Variants in PLCD3 observed in about 807,000 individuals in gnomAD.
PLCD3 encodes the protein phospholipase C delta 3, also known as 1-phosphatidylinositol 4,5-bisphosphate phosphodiesterase delta-3.
A neutral mutation model predicts 82.8 loss-of-function variants in PLCD3; 62 were observed. The observed-to-expected ratio is 0.75, with a 90% CI of 0.61 to 0.93. PLCD3 has a LOEUF of 0.93. Among genes scored for constraint, PLCD3 ranks in the 40% least tolerant of loss-of-function variants. PLCD3 has a pLI of 0.00. For missense variants in PLCD3, 1,023 were observed against 1,103.4 expected, an observed-to-expected ratio of 0.93 and a Z score of 1.03; for synonymous variants, 478 against 471.8, an observed-to-expected ratio of 1.01 and a Z score of -0.17.
At chr17:45,120,491 C>A (rs762359510) in intron 3 of PLCD3, 37 bp from the exon 4 acceptor site, 2 of 1,612,770 alleles carry the variant, frequency 1.2e-6, no homozygotes, top group Non-Finnish European at 1.7e-6. Context: ...ACACGCCAGG[C>A]TGCCCCCAGC....
intron 8 of PLCD3, among the ~76,000 whole-genome samples, chr17:45,115,798 G>A (rs571734765): frequency 1.8e-4 from 27 of 152,326 alleles, no homozygotes; most frequent in African/African-American, 6.3e-4. Context: ...GAAGAAGTGA[G>A]GCTACAACCT....
chr17:45,115,525 C>T, intron 8 of PLCD3, 35 bp from the exon 9 acceptor site: 1 of 1,552,724 alleles, frequency 6.4e-7, no homozygotes. Context: ...AAGGGTTAGG[C>T]CTTCTCGCCC....
rs748669994 is a variant in PLCD3, at chr17:45,116,619, TG to T, written c.1413+12del. 8 of 1,562,846 alleles carry T rather than the reference TG, an allele frequency of 5.1e-6. No individual in the cohort carries two copies. The highest frequency in any genetic ancestry group is 6.9e-6 in the Non-Finnish European group (8 of 1,152,090). On this transcript the variant is annotated intron_variant, in intron 8 of 14. Transcript: ENST00000619929. Reference sequence around the variant, plus strand: ...ACCTCCCTCCACCCAGGCTAGGGGCTGGGGGGCGTCACCTCTGGGGATGGCA... The same window carrying T: ...ACCTCCCTCCACCCAGGCTAGGGGCTGGGGGCGTCACCTCTGGGGATGGCA...
rs201469185 is a variant in PLCD3, at chr17:45,118,932, C to T, written c.796G>A (p.Glu266Lys). Residue 266 changes from glutamate (E) to lysine (K), a missense_variant, in exon 5 of 15, where the codon GAG (glutamate) becomes AAG (lysine). By Grantham distance (56) the Glu-to-Lys change is moderately conservative. Transcript: ENST00000619929. This position sits in a 1 kb window ranked among gnomAD's most constrained non-coding sequence, Gnocchi z 4.1. ...TCAGGGGCACTCAGCACGCGGTCCT[C>T]GCCCGAGTACTGATGGAAGATCTCC... ...LEEIFHQYSGEDRVLSAPELL... is the reference protein window; with the variant it reads ...LEEIFHQYSGKDRVLSAPELL... 1.9e-4 allele frequency: 310 copies of T among 1,612,684 alleles called. 1 individual carries two copies. The African/African-American group carries it at 3.7e-3, about 19-fold the overall frequency.
At chr17:45,113,747 G>A in intron 11 of PLCD3, 142 bp from the exon 12 acceptor site, 1 of 1,079,800 alleles carries the variant, frequency 9.3e-7, no homozygotes. Flanking sequence ...CATGACTTTA[G>A]GGGAGGGGGT....
chr17:45,127,927 C>T (rs1161028570), intron 1 of PLCD3, among the ~76,000 whole-genome samples: 2 of 152,040 alleles, frequency 1.3e-5, no homozygotes, highest in Non-Finnish European at 2.9e-5. Flanking sequence ...CACAGGAATG[C>T]GAGTCATGCA....
rs145972794 is a variant in PLCD3 at position 45,113,046 on chromosome 17, G to T, written c.2132-34C>A. ...CAGGGATGGCAGTCAGAGCCCAGGG[G>T]CCCCAGGACCCACCCTGCACCACCC... On this transcript the variant is annotated intron_variant, in intron 13 of 14. Coordinates refer to ENST00000619929, the MANE Select transcript of PLCD3 (RefSeq NM_133373.5). The T allele has an allele frequency of 1.9e-4, 305 of 1,601,740 alleles. No homozygotes were observed. The East Asian group carries it at 6.8e-3, about 36-fold the overall frequency.
chr17:45,126,992 T>A (rs2054386577), intron 1 of PLCD3, among the ~76,000 whole-genome samples: 1 of 152,196 alleles, frequency 6.6e-6, no homozygotes, highest in Admixed American at 6.5e-5. Flanking sequence ...AAAATGCTGT[T>A]AAAGAAGCAG....
rs747851992 is a variant in PLCD3 at position 45,121,280 on chromosome 17, G to C, written c.256C>G (p.Arg86Gly). 1.3e-6 allele frequency: 2 copies of C among 1,587,860 alleles called. No homozygotes were observed. Among genetic ancestry groups the C allele is most frequent in the Non-Finnish European group, 1.7e-6 (2 of 1,175,404 alleles). The change falls in exon 2 of 15, where the codon CGG becomes GGG. Residue 86 changes from arginine to glycine, a missense_variant. Arg to Gly is a moderately radical substitution (Grantham distance 125). Around this residue, in one of 3 missense-constraint regions of PLCD3, gnomAD observed 448 missense variants for 406.3 expected, o/e 1.10. Coordinates refer to ENST00000619929, the MANE Select transcript of PLCD3 (RefSeq NM_133373.5). ...SRTWHKERLY[R>G]LQEDGLSVWF... ...ACGCTCAGGCCGTCCTCCTGCAGCCGGTACAGCCGCTCCTTGTGCCACGTG... is the reference window on the plus strand; with the variant it reads ...ACGCTCAGGCCGTCCTCCTGCAGCCCGTACAGCCGCTCCTTGTGCCACGTG...
At position 45,113,586 on chromosome 17, in the gene PLCD3, C is replaced by G; in HGVS notation, c.1848G>C (p.Thr616=). ...CATTGAGGTCCATCTCGTAGCCTGG[C>G]GTCTGGAAGTTCAAGGCCACTGTGG... is the stretch of plus-strand genomic sequence containing the variant. ...GCQLVALNFQ[T]PGYEMDLNAG... Residue 616 remains threonine (T), a synonymous_variant, in exon 12 of 15, where the codon ACG becomes ACC. Coordinates refer to ENST00000619929, the MANE Select transcript of PLCD3 (RefSeq NM_133373.5). The G allele has an allele frequency of 6.4e-7, 1 of 1,556,208 alleles. No individual in the cohort carries two copies. Among genetic ancestry groups the G allele is most frequent in the South Asian group, 1.2e-5 (1 of 84,234 alleles).
At chr17:45,130,604 C>T (rs2054412175) in intron 1 of PLCD3, among the ~76,000 whole-genome samples, 1 of 152,204 alleles carries the variant, frequency 6.6e-6, no homozygotes, top group Non-Finnish European at 1.5e-5. Context: ...AGTCTATCTC[C>T]TGGGAGTTCT....
At chr17:45,113,307 C>T (rs1475124879) in intron 12 of PLCD3, 50 bp from the exon 13 acceptor site, 1 of 1,560,246 alleles carries the variant, frequency 6.4e-7, no homozygotes, top group Non-Finnish European at 8.7e-7. Context: ...CTTGGCCATC[C>T]CCTCATGGGC....
rs527354202 is a variant in PLCD3, at chr17:45,120,599, C to G, written c.555-145G>C. ...CCTTGGCCTGTGCACTCCCCGAGCA[C>G]GGTAGCAGTGTCTCCTCCGCAGGAC... is the stretch of plus-strand genomic sequence containing the variant. On this transcript the variant is annotated intron_variant, in intron 3 of 14. Transcript: ENST00000619929. The G allele has an allele frequency of 3.7e-6, 4 of 1,077,270 alleles. No homozygotes were observed. In the African/African-American group the frequency reaches 6.3e-5, roughly 17 times the overall value. 66.7% of individuals were successfully genotyped at this position (1,077,270 alleles called of 1,614,324 possible).
At chr17:45,121,486 A>G (rs2143575008) in intron 1 of PLCD3, 114 bp from the exon 2 acceptor site, 2 of 1,254,480 alleles carry the variant, frequency 1.6e-6, no homozygotes, top group South Asian at 3.3e-5. Context: ...CCAGGCCTTC[A>G]TCCCACAGTA....
chr17:45,113,432 T>A lies in PLCD3; in HGVS notation c.1995+7A>T. On this transcript the variant is annotated splice_region_variant and intron_variant, in intron 12 of 14. Coordinates refer to ENST00000619929, the MANE Select transcript of PLCD3 (RefSeq NM_133373.5). ...CCCCACACTGGGGCCCGTTCCAGCCTGCTGACCTGGATGCTGAGAGTGGTT... is the reference window on the plus strand; with the variant it reads ...CCCCACACTGGGGCCCGTTCCAGCCAGCTGACCTGGATGCTGAGAGTGGTT... 6.3e-7 allele frequency: 1 copy of A among 1,588,246 alleles called. No homozygotes were observed.
At chr17:45,120,872 G>A (rs1161277252) in intron 3 of PLCD3, 30 bp downstream of exon 3, 1 of 1,412,458 alleles carries the variant, frequency 7.1e-7, no homozygotes, top group African/African-American at 1.5e-5. Context: ...TCCAAGGATG[G>A]GGCCCTCCCT....
Position 45,118,846 on chromosome 17 carries a change from C to A in PLCD3, c.882G>T (p.Gln294His). 1 of 1,611,140 alleles carries A rather than the reference C, an allele frequency of 6.2e-7. No individual in the cohort carries two copies. Residue 294 changes from glutamine to histidine, a missense_variant, in exon 5 of 15, where the codon CAG becomes CAT. Physicochemically the swap from Gln to His is conservative, Grantham distance 24. This residue lies in a region of PLCD3 where 448 missense variants were observed against 406.3 expected (regional missense o/e 1.10). Transcript: ENST00000619929. This position sits in a 1 kb window ranked among gnomAD's most constrained non-coding sequence, Gnocchi z 4.1. ...CGTTGAGCTCATAGGTCTGAATGAG[C>A]TGCTGGGCGCGGGCCAGTGTGGCGC... is the stretch of plus-strand genomic sequence containing the variant. ...EEGATLARAQQLIQTYELNET... is the reference protein window; with the variant it reads ...EEGATLARAQHLIQTYELNET...
rs2054327525 is a variant in PLCD3, at chr17:45,120,459, G to A, written c.555-5C>T. The A allele has an allele frequency of 1.2e-6, 2 of 1,613,902 alleles. No homozygotes were observed. The highest frequency in any genetic ancestry group is 1.7e-6 in the Non-Finnish European group (2 of 1,179,848). On this transcript the variant is annotated splice_region_variant and splice_polypyrimidine_tract_variant and intron_variant, in intron 3 of 14. Transcript: ENST00000619929. Reference sequence around the variant, plus strand: ...TGCAGATAGGAGTGGATCCAGGTGTGGGTGCTCAGGAAATAACAGCAACAC... The same window carrying A: ...TGCAGATAGGAGTGGATCCAGGTGTAGGTGCTCAGGAAATAACAGCAACAC...
chr17:45,127,011 G>A (rs2054386720), intron 1 of PLCD3, among the ~76,000 whole-genome samples: 1 of 152,242 alleles, frequency 6.6e-6, no homozygotes, highest in African/African-American at 2.4e-5. Context: ...AGACAGCCAG[G>A]TCGGCACCCG....
Sources: gnomAD v4.1 joint callset for allele counts (sites outside exome capture counted in the v4.1 genomes callset) on GRCh38, gnomAD v4.1.1 for gene constraint, gnomAD v4.1.1 regional missense constraint, Gnocchi (gnomAD v3.1) non-coding constraint, MANE v1.5 for transcripts, NCBI Gene and HGNC (gene_info 2026-07-23, HGNC 2026-07-21) for gene names.